Variants in RCAN2 observed in about 807,000 individuals in gnomAD.
RCAN2 encodes the protein regulator of calcineurin 2.
RCAN2 carries 9 observed loss-of-function variants against 23.6 expected under a neutral mutation model. The ratio of observed to expected loss-of-function variants is 0.38; its 90% confidence interval spans 0.23 to 0.67. The LOEUF (loss-of-function observed/expected upper bound fraction) is 0.67. RCAN2 is among the 30% of genes least tolerant of loss of function. The pLI, the probability that RCAN2 is intolerant of heterozygous loss-of-function variation, is 0.51. For missense variants in RCAN2, 273 were observed against 302.3 expected, an observed-to-expected ratio of 0.90 and a Z score of 0.72; for synonymous variants, 109 against 115.7, an observed-to-expected ratio of 0.94 and a Z score of 0.37.
intron 2 of RCAN2, chr6:46,325,647 CG>C: frequency 1.4e-6 from 2 of 1,417,098 alleles, no homozygotes; most frequent in Non-Finnish European, 1.8e-6. Context: ...CAGCCCTCCG[CG>C]TCTGAGGCAG....
intron 2 of RCAN2, among the ~76,000 whole-genome samples, chr6:46,404,101 A>G (rs1766332791): frequency 6.6e-6 from 1 of 152,148 alleles, no homozygotes; most frequent in East Asian, 1.9e-4. Context: ...GCGTGCCTGT[A>G]GTCCCAGCTA....
At chr6:46,250,456 G>A (rs1240488214) in intron 2 of RCAN2, among the ~76,000 whole-genome samples, 1 of 152,204 alleles carries the variant, frequency 6.6e-6, no homozygotes, top group Non-Finnish European at 1.5e-5. Context: ...TACAAGTAAG[G>A]ATGGAGATGC....
chr6:46,290,865 TACA>T lies in RCAN2; in HGVS notation c.226-41972_226-41970del, dbSNP rs557495831. 5.3e-5 allele frequency among the ~76,000 whole-genome samples: 8 copies of T among 152,308 alleles called. No individual in the cohort carries two copies. In the South Asian group the frequency reaches 1.7e-3, roughly 32 times the overall value. On this transcript the variant is annotated intron_variant, in intron 2 of 4. Coordinates refer to ENST00000371374, the MANE Select transcript of RCAN2 (RefSeq NM_001251974.2). ...TTAAGTAAAATGACTTTGAGGAAAT[TACA>T]ACATTTATTGGTAGAATTTGGAAGT...
intron 2 of RCAN2, among the ~76,000 whole-genome samples, chr6:46,330,534 A>C (rs1042395569): frequency 1.3e-5 from 2 of 152,190 alleles, no homozygotes; most frequent in Admixed American, 1.3e-4. Context: ...AAGCAAGAAT[A>C]TTTCCTTAGT....
chr6:46,223,287 G>C lies in RCAN2; in HGVS notation c.586C>G (p.Leu196Val), dbSNP rs1167001256. 6.2e-7 allele frequency: 1 copy of C among 1,613,556 alleles called. No individual in the cohort carries two copies. Among genetic ancestry groups the C allele is most frequent in the South Asian group, 1.1e-5 (1 of 90,950 alleles). ...AKLGPGEKYE[L>V]HAGTESTPSV... Reference sequence around the variant, plus strand: ...GGGGTGGACTCAGTCCCTGCATGGAGCTCATACTTCTCTCCTGAAAAGCAA... The same window carrying C: ...GGGGTGGACTCAGTCCCTGCATGGACCTCATACTTCTCTCCTGAAAAGCAA... The change falls in exon 5 of 5, where the codon CTC becomes GTC. Residue 196 changes from leucine (L) to valine (V), a missense_variant. Coordinates refer to ENST00000371374, the MANE Select transcript of RCAN2 (RefSeq NM_001251974.2).
intron 2 of RCAN2, among the ~76,000 whole-genome samples, chr6:46,293,575 C>T (rs1472139885): frequency 6.6e-6 from 1 of 152,130 alleles, no homozygotes; most frequent in Non-Finnish European, 1.5e-5. Flanking sequence ...CTTCCAAGGG[C>T]AAATGCAGTT....
chr6:46,239,180 A>T (rs564397816), intron 4 of RCAN2, among the ~76,000 whole-genome samples: 1 of 152,328 alleles, frequency 6.6e-6, no homozygotes, highest in South Asian at 2.1e-4. Context: ...AAATAAAAGG[A>T]GATATTCTGG....
At chr6:46,442,047 G>T (rs775833016) in intron 2 of RCAN2, among the ~76,000 whole-genome samples, 1 of 152,078 alleles carries the variant, frequency 6.6e-6, no homozygotes, top group Admixed American at 6.5e-5. Flanking sequence ...ACTTTCTCTG[G>T]TTATCACCAA....
At chr6:46,361,335 A>G (rs2150383625) in intron 2 of RCAN2, among the ~76,000 whole-genome samples, 1 of 152,322 alleles carries the variant, frequency 6.6e-6, no homozygotes, top group East Asian at 1.9e-4. Flanking sequence ...AGGAATCTGT[A>G]GTCACCTTTG....
At chr6:46,245,608 G>C (rs1766485982) in intron 4 of RCAN2, among the ~76,000 whole-genome samples, 1 of 152,136 alleles carries the variant, frequency 6.6e-6, no homozygotes, top group Middle Eastern at 3.2e-3. Context: ...ATGTTTTCCT[G>C]CTACATTAAG....
At chr6:46,254,951 G>T (rs933366525) in intron 2 of RCAN2, among the ~76,000 whole-genome samples, 5 of 152,056 alleles carry the variant, frequency 3.3e-5, no homozygotes, top group African/African-American at 7.2e-5. Context: ...AAGCTAGGAA[G>T]AAGCAAAAAA....
intron 2 of RCAN2, among the ~76,000 whole-genome samples, chr6:46,283,424 C>A (rs1193356238): frequency 6.6e-6 from 1 of 152,112 alleles, no homozygotes; most frequent in Non-Finnish European, 1.5e-5. Flanking sequence ...GCCTGGGCAG[C>A]AAAGACCCTG....
intron 2 of RCAN2, among the ~76,000 whole-genome samples, chr6:46,303,296 G>A (rs1168459935): frequency 6.6e-6 from 1 of 151,832 alleles, no homozygotes; most frequent in Non-Finnish European, 1.5e-5. Context: ...GATTTGGAGG[G>A]GCATGAGATA....
At chr6:46,318,275 A>T (rs1283493809) in intron 2 of RCAN2, among the ~76,000 whole-genome samples, 1 of 152,228 alleles carries the variant, frequency 6.6e-6, no homozygotes. Context: ...CAAATAAAAC[A>T]TTATTGAAGA....
intron 2 of RCAN2, among the ~76,000 whole-genome samples, chr6:46,436,206 A>T (rs1221977639): frequency 6.6e-6 from 1 of 152,178 alleles, no homozygotes; most frequent in Non-Finnish European, 1.5e-5. Flanking sequence ...GGGAAGCAAG[A>T]GTCCCAACAG....
chr6:46,370,180 T>C (rs897711001), intron 2 of RCAN2, among the ~76,000 whole-genome samples: 5 of 152,168 alleles, frequency 3.3e-5, no homozygotes, highest in African/African-American at 1.2e-4. Flanking sequence ...TTCTTCCACA[T>C]TCAAATCACT....
chr6:46,226,121 C>T lies in RCAN2; in HGVS notation c.572-2820G>A, dbSNP rs557291582. On this transcript the variant is annotated intron_variant, in intron 4 of 4. Coordinates refer to ENST00000371374, the MANE Select transcript of RCAN2 (RefSeq NM_001251974.2). ...AGATATGTGGTATTGTTTCTGAGGG[C>T]TCTGTTCTGTTCCATTGGTCTATAT... Among the ~76,000 whole-genome samples, 26 of 152,242 alleles carry T rather than the reference C, an allele frequency of 1.7e-4. No individual in the cohort carries two copies. In the South Asian group the frequency reaches 5.0e-3, roughly 29 times the overall value.
At chr6:46,373,425 T>A (rs9395180) in intron 2 of RCAN2, among the ~76,000 whole-genome samples, 9 of 151,904 alleles carry the variant, frequency 5.9e-5, no homozygotes, top group African/African-American at 2.2e-4. Context: ...CTACCACGCC[T>A]AGCTAATTTT....
At chr6:46,307,846 C>A (rs1292132693) in intron 2 of RCAN2, among the ~76,000 whole-genome samples, 2 of 152,132 alleles carry the variant, frequency 1.3e-5, no homozygotes, top group Middle Eastern at 3.2e-3. Flanking sequence ...TATTGAAAAT[C>A]TTCCTGAAGA....
Sources: gnomAD v4.1 joint callset for allele counts (sites outside exome capture counted in the v4.1 genomes callset) on GRCh38, gnomAD v4.1.1 for gene constraint, MANE v1.5 for transcripts, NCBI Gene and HGNC (gene_info 2026-07-23, HGNC 2026-07-21) for gene names.